Variants in ARHGEF3 observed in about 807,000 individuals in gnomAD.
ARHGEF3 encodes 59.8 kDA protein.
A neutral mutation model predicts 63.2 loss-of-function variants in ARHGEF3; 28 were observed. That is an observed-to-expected ratio of 0.44 (90% CI 0.33 to 0.61). ARHGEF3 has a LOEUF of 0.61. ARHGEF3 is among the 20% of genes least tolerant of loss of function. The probability of loss-of-function intolerance (pLI) is 0.03; values close to 1 mark genes in which losing one functional copy is unlikely to be tolerated. For missense variants in ARHGEF3, 533 were observed against 659.3 expected (o/e 0.81, Z 2.10); for synonymous variants, 266 against 254.2 (o/e 1.05, Z -0.44).
intron 2 of ARHGEF3, chr3:56,975,734 G>A (rs1480703616): frequency 5.0e-6 from 2 of 402,606 alleles, no homozygotes; most frequent in Non-Finnish European, 9.5e-6. Context: ...CACAACAGAG[G>A]AAAGGAGATG....
intron 1 of ARHGEF3, among the ~76,000 whole-genome samples, chr3:57,072,719 A>G: frequency 8.9e-6 from 1 of 112,052 alleles, no homozygotes; most frequent in Non-Finnish European, 1.8e-5. Flanking sequence ...ACAGAACGAG[A>G]CTCTGTCAAA....
chr3:57,000,950 T>C (rs1004071166), intron 2 of ARHGEF3, among the ~76,000 whole-genome samples: 1 of 152,060 alleles, frequency 6.6e-6, no homozygotes, highest in Non-Finnish European at 1.5e-5. Flanking sequence ...TTTTTTAATT[T>C]TTTTTTAGAG....
Position 56,909,323 on chromosome 3 carries a change from T to C in ARHGEF3, c.130-26969A>G, listed in dbSNP as rs370684604. On this transcript the variant is annotated intron_variant, in intron 3 of 12. Transcript: ENST00000338458. Reference sequence around the variant, plus strand: ...ATGTTAAATTCTTAGTATGTGTGGGTGCTTGAAGAGTTTGTGCCCAAAACA... The same window carrying C: ...ATGTTAAATTCTTAGTATGTGTGGGCGCTTGAAGAGTTTGTGCCCAAAACA... Among the ~76,000 whole-genome samples, 6 of 152,338 alleles carry C rather than the reference T, an allele frequency of 3.9e-5. 1 individual carries two copies. The highest frequency in any genetic ancestry group is 3.9e-4 in the East Asian group (2 of 5,188).
At chr3:56,934,524 C>T (rs1040818726) in intron 3 of ARHGEF3, among the ~76,000 whole-genome samples, 1 of 152,184 alleles carries the variant, frequency 6.6e-6, no homozygotes, top group Non-Finnish European at 1.5e-5. Flanking sequence ...GCTGGAGTTC[C>T]GGGTGGGTGT....
chr3:56,927,080 G>A (rs965330163), intron 3 of ARHGEF3, among the ~76,000 whole-genome samples: 1 of 152,232 alleles, frequency 6.6e-6, no homozygotes, highest in Non-Finnish European at 1.5e-5. Context: ...TTCTAAGCCA[G>A]ATAACCTGGG....
intron 1 of ARHGEF3, among the ~76,000 whole-genome samples, chr3:57,054,805 C>T (rs1268318270): frequency 6.6e-6 from 1 of 151,862 alleles, no homozygotes; most frequent in African/African-American, 2.4e-5. Context: ...CATACGCCAC[C>T]ATGCCTGGCT....
At chr3:56,834,156 G>T (rs924705876) in intron 4 of ARHGEF3, among the ~76,000 whole-genome samples, 2 of 152,066 alleles carry the variant, frequency 1.3e-5, no homozygotes, top group African/African-American at 4.8e-5. Flanking sequence ...GCCCGCCTCA[G>T]CCTCCCAAAA....
intron 3 of ARHGEF3, among the ~76,000 whole-genome samples, chr3:56,933,540 C>T (rs1218950575): frequency 6.6e-6 from 1 of 151,980 alleles, no homozygotes; most frequent in African/African-American, 2.4e-5. Flanking sequence ...CCATTTCAGC[C>T]TGCTGAGTAG....
intron 2 of ARHGEF3, among the ~76,000 whole-genome samples, chr3:56,999,581 G>A: frequency 6.6e-6 from 1 of 152,216 alleles, no homozygotes; most frequent in Non-Finnish European, 1.5e-5. Context: ...CAAGGCAGGA[G>A]GATTGCTTGA....
Position 56,968,243 on chromosome 3 carries a change from TA to T in ARHGEF3, c.63-9355del, listed in dbSNP as rs1700727815. Among the ~76,000 whole-genome samples, 8 of 40,520 alleles carry T rather than the reference TA, an allele frequency of 2.0e-4. 1 individual carries two copies. The highest frequency in any genetic ancestry group is 5.1e-4 in the Admixed American group (1 of 1,974). 26.6% of individuals were successfully genotyped at this position (40,520 alleles called of 152,430 possible). On this transcript the variant is annotated intron_variant, in intron 2 of 12. Coordinates refer to the ARHGEF3 transcript ENST00000338458. ...TATATAATATATATATAAATATATATATTAATATATAATATTTAAATATATA... is the reference window on the plus strand; with the variant it reads ...TATATAATATATATATAAATATATATTTAATATATAATATTTAAATATATA...
At chr3:56,730,720 G>A (rs896157021) in intron 9 of ARHGEF3, among the ~76,000 whole-genome samples, 1 of 152,022 alleles carries the variant, frequency 6.6e-6, no homozygotes, top group African/African-American at 2.4e-5. Context: ...ACATTTAAAG[G>A]GCCCTGCGTG....
intron 4 of ARHGEF3, among the ~76,000 whole-genome samples, chr3:56,882,082 A>T (rs924980436): frequency 6.6e-6 from 1 of 152,234 alleles, no homozygotes; most frequent in Admixed American, 6.5e-5. Flanking sequence ...CACAGGCAAT[A>T]AACAACTTAG....
intron 2 of ARHGEF3, among the ~76,000 whole-genome samples, chr3:57,007,976 T>G (rs1290598890): frequency 6.6e-6 from 1 of 152,184 alleles, no homozygotes; most frequent in Non-Finnish European, 1.5e-5. Context: ...CTGGGCACCT[T>G]GGGTTTGTGC....
chr3:56,853,344 T>C (rs1338827426), intron 4 of ARHGEF3, among the ~76,000 whole-genome samples: 2 of 152,214 alleles, frequency 1.3e-5, no homozygotes, highest in Non-Finnish European at 2.9e-5. Context: ...ATTATTTTTA[T>C]TATTATTTTG....
At chr3:57,069,376 AACACACACACACACACAC>A (rs147675971) in intron 1 of ARHGEF3, among the ~76,000 whole-genome samples, 2 of 146,470 alleles carry the variant, frequency 1.4e-5, no homozygotes, top group South Asian at 4.4e-4. Flanking sequence ...CTGTCTCTCA[AACACACACACACACACAC>A]ACACACACAC....
At chr3:56,739,483 C>T (rs868788734) in intron 7 of ARHGEF3, among the ~76,000 whole-genome samples, 7 of 151,392 alleles carry the variant, frequency 4.6e-5, no homozygotes, top group African/African-American at 1.7e-4. Context: ...TCACTGCAAC[C>T]CCTGCCTCTT....
At position 56,978,197 on chromosome 3, in the gene ARHGEF3, A is replaced by G. The variant is rs551748421; in HGVS notation, c.63-19308T>C. 4.6e-5 allele frequency among the ~76,000 whole-genome samples: 7 copies of G among 152,300 alleles called. No homozygotes were observed. The South Asian group carries it at 1.2e-3, about 27-fold the overall frequency. On this transcript the variant is annotated intron_variant, in intron 2 of 12. Transcript: ENST00000338458. ...TGACAAAGATGTCACTGGACAAAAC[A>G]CCTTTTAACACATGAAAACCATGAA...
chr3:56,951,401 T>G (rs1476337677), intron 3 of ARHGEF3, among the ~76,000 whole-genome samples: 2 of 152,196 alleles, frequency 1.3e-5, no homozygotes, highest in East Asian at 3.9e-4. Context: ...TAGCATTTTT[T>G]GCATTGAAGT....
chr3:56,794,359 G>A (rs1021471850), intron 1 of ARHGEF3, among the ~76,000 whole-genome samples: 6 of 151,794 alleles, frequency 4.0e-5, no homozygotes, highest in Non-Finnish European at 8.8e-5. Flanking sequence ...GTGGTGGCGT[G>A]TGCCTGTAAT....
Sources: gnomAD v4.1 joint callset for allele counts (sites outside exome capture counted in the v4.1 genomes callset) on GRCh38, gnomAD v4.1.1 for gene constraint, MANE v1.5 for transcripts, NCBI Gene and HGNC (gene_info 2026-07-23, HGNC 2026-07-21) for gene names.